LYST: variants seen among roughly 807,000 people sequenced by gnomAD.
LYST encodes the protein lysosomal-trafficking regulator.
Under a neutral mutation model 413.6 loss-of-function variants are expected in LYST, and 192 were observed. That is an observed-to-expected ratio of 0.46 (90% CI 0.41 to 0.52). The LOEUF is 0.52. Among genes scored for constraint, LYST ranks in the 20% least tolerant of loss-of-function variants. LYST has a pLI of 0.00. For missense variants in LYST, 3,815 were observed against 4,499.9 expected (o/e 0.85, Z 4.35); for synonymous variants, 1,525 against 1,567.3 (o/e 0.97, Z 0.64).
rs36022107 is a variant in LYST at position 235,862,848 on chromosome 1, C to CACACACACAT, written c.-98+3994_-98+3995insATGTGTGTGT. On this transcript the variant is annotated intron_variant, in intron 1 of 52. Transcript: ENST00000389793. ...ACACACACACACACACACACACACA[C>CACACACACAT]CCCTTCAAGATAAAGTGAGACTACC... Among the ~76,000 whole-genome samples the CACACACACAT allele has an allele frequency of 3.1e-3, 452 of 146,466 alleles. 6 individuals carry two copies. The highest frequency in any genetic ancestry group is 6.7e-3 in the African/African-American group (260 of 38,938).
chr1:235,684,384 A>T (rs913013347), intron 48 of LYST, among the ~76,000 whole-genome samples: 13 of 152,244 alleles, frequency 8.5e-5, no homozygotes, highest in African/African-American at 3.1e-4. Context: ...AAAGGTGTCC[A>T]TGTCATGGTG....
At chr1:235,719,211 T>C (rs921324638) in intron 40 of LYST, among the ~76,000 whole-genome samples, 1 of 152,010 alleles carries the variant, frequency 6.6e-6, no homozygotes, top group South Asian at 2.1e-4. Context: ...AGAGTTAGGG[T>C]TTCACCATGT....
chr1:235,775,864 A>C (rs1448735219), intron 17 of LYST, among the ~76,000 whole-genome samples: 1 of 152,172 alleles, frequency 6.6e-6, no homozygotes, highest in East Asian at 1.9e-4. Context: ...TATGCATGTA[A>C]GGATTTTAAG....
chr1:235,772,576 T>C (rs569279301), intron 19 of LYST, among the ~76,000 whole-genome samples: 1 of 152,294 alleles, frequency 6.6e-6, no homozygotes, highest in Non-Finnish European at 1.5e-5. Context: ...ACTGGGTCCT[T>C]GTGAAGACAA....
chr1:235,839,929 TC>T (rs1465101854), intron 1 of LYST: 8 of 152,176 alleles, frequency 5.3e-5, no homozygotes, highest in Non-Finnish European at 4.4e-5. Flanking sequence ...TTCCAATTGT[TC>T]AGTAGAGATA....
chr1:235,669,805 A>G (rs541602484), intron 50 of LYST, among the ~76,000 whole-genome samples: 1 of 152,208 alleles, frequency 6.6e-6, no homozygotes, highest in African/African-American at 2.4e-5. Flanking sequence ...TTGTTGCTTC[A>G]TGCTTTCTTT....
In LYST at chr1:235,751,284, T is replaced by C. The variant is rs771118540; in HGVS notation, c.7706A>G (p.Glu2569Gly). 3 of 1,613,658 alleles carry C rather than the reference T, an allele frequency of 1.9e-6. No homozygotes were observed. Among genetic ancestry groups the C allele is most frequent in the Non-Finnish European group, 2.5e-6 (3 of 1,179,576 alleles). ...TGACTGGAGTGAATCTGTGAGGTTT[T>C]CAGAGTCATGATTTGCGGTGGTCCT... ...FIRTTANHDS[E>G]NLTDSLQSPS... Residue 2569 changes from glutamate to glycine, a missense_variant, in exon 28 of 53, where the codon GAA (glutamate) becomes GGA (glycine). By Grantham distance (98) the Glu-to-Gly change is moderately conservative (BLOSUM62 -2). Coordinates refer to ENST00000389793, the MANE Select transcript of LYST (RefSeq NM_000081.4).
intron 50 of LYST, among the ~76,000 whole-genome samples, chr1:235,670,651 G>T (rs911021473): frequency 1.2e-4 from 19 of 152,322 alleles, no homozygotes; most frequent in Non-Finnish European, 2.5e-4. Context: ...ACAGACCAAG[G>T]TAAGAAAAGC....
Position 235,702,812 on chromosome 1 carries a change from C to A in LYST, c.10309G>T (p.Val3437Leu), listed in dbSNP as rs772199678. ...AAAGCAAACTGCACTAGCAACCCCA[C>A]AGCAGCTGGAAGCTCTCCTTCAATA... Reference protein sequence around the residue: ...LNIEGELPAAVGLLVQFAFRE... With the variant: ...LNIEGELPAALGLLVQFAFRE... Residue 3437 changes from valine to leucine, a missense_variant, in exon 45 of 53, where the codon GTG becomes TTG. By Grantham distance (32) the Val-to-Leu change is conservative. Coordinates refer to ENST00000389793, the MANE Select transcript of LYST (RefSeq NM_000081.4). 1 of 1,614,080 alleles carries A rather than the reference C, an allele frequency of 6.2e-7. No individual in the cohort carries two copies. Among genetic ancestry groups the A allele is most frequent in the African/African-American group, 1.3e-5 (1 of 74,932 alleles).
chr1:235,688,961 G>A (rs1660422846), intron 47 of LYST, among the ~76,000 whole-genome samples: 1 of 149,902 alleles, frequency 6.7e-6, no homozygotes, highest in African/African-American at 2.4e-5. Flanking sequence ...CTCCAGCCTG[G>A]CAACAGAGTG....
At chr1:235,857,656 G>T (rs1391130812) in intron 1 of LYST, among the ~76,000 whole-genome samples, 3 of 150,810 alleles carry the variant, frequency 2.0e-5, no homozygotes, top group Non-Finnish European at 3.0e-5. Context: ...AAAAGAGGGG[G>T]GTGTGTCTGT....
At chr1:235,724,991 T>C (rs948117903) in intron 38 of LYST, among the ~76,000 whole-genome samples, 2 of 152,174 alleles carry the variant, frequency 1.3e-5, no homozygotes, top group African/African-American at 4.8e-5. Flanking sequence ...CAGAAACAAA[T>C]TGACGTAGGT....
At chr1:235,769,603 T>C (rs1367040627) in intron 20 of LYST, among the ~76,000 whole-genome samples, 3 of 152,048 alleles carry the variant, frequency 2.0e-5, no homozygotes, top group Admixed American at 1.3e-4. Context: ...TATTTATCAA[T>C]GCCTTTTATC....
At chr1:235,714,059 T>C (rs1662626776) in intron 42 of LYST, among the ~76,000 whole-genome samples, 1 of 152,178 alleles carries the variant, frequency 6.6e-6, no homozygotes, top group African/African-American at 2.4e-5. Context: ...AAACCACATC[T>C]GAAATATTCT....
rs529511767 is a variant in LYST at position 235,879,148 on chromosome 1, G to C, written n.454+4039C>G. 2.6e-5 allele frequency among the ~76,000 whole-genome samples: 4 copies of C among 152,284 alleles called. No individual in the cohort carries two copies. The South Asian group carries it at 8.3e-4, about 32-fold the overall frequency. Reference sequence around the variant, plus strand: ...AGCCTCCCAAAGCACTGGGATTACAGGTGTGAACCACCACTACCAGCCATT... The same window carrying C: ...AGCCTCCCAAAGCACTGGGATTACACGTGTGAACCACCACTACCAGCCATT... On this transcript the variant is annotated intron_variant and non_coding_transcript_variant, in intron 1 of 11. Transcript: ENST00000465349.
intron 8 of LYST, 21 bp from the exon 9 acceptor site, chr1:235,801,118 G>A (rs1227094502): frequency 7.1e-7 from 1 of 1,417,642 alleles, no homozygotes; most frequent in Non-Finnish European, 1.0e-6. Flanking sequence ...AAAAGCGAAA[G>A]ATTACTTGTA....
chr1:235,882,529 G>A (rs1404328150), intron 1 of LYST, among the ~76,000 whole-genome samples: 1 of 152,230 alleles, frequency 6.6e-6, no homozygotes, highest in African/African-American at 2.4e-5. Flanking sequence ...ACTAGAGGCA[G>A]AGACAATGGT....
chr1:235,879,079 C>G (rs1439419367), intron 1 of LYST, among the ~76,000 whole-genome samples: 1 of 152,118 alleles, frequency 6.6e-6, no homozygotes. Context: ...AATCATAGCT[C>G]ACTGTAACCT....
intron 1 of LYST, among the ~76,000 whole-genome samples, chr1:235,860,339 A>G (rs1679718292): frequency 6.6e-6 from 1 of 152,164 alleles, no homozygotes; most frequent in African/African-American, 2.4e-5. Context: ...ATGAACCTAC[A>G]CTGACAGGTC....
Sources: gnomAD v4.1 joint callset for allele counts (sites outside exome capture counted in the v4.1 genomes callset) on GRCh38, gnomAD v4.1.1 for gene constraint, MANE v1.5 for transcripts, NCBI Gene and HGNC (gene_info 2026-07-23, HGNC 2026-07-21) for gene names.